The following DNAH5 variants were observed in gnomAD, a reference collection of about 807,000 sequenced individuals.
DNAH5 encodes the protein dynein axonemal heavy chain 5.
DNAH5 carries 372 observed loss-of-function variants against 518.2 expected under a neutral mutation model. The observed-to-expected ratio is 0.72, with a 90% CI of 0.66 to 0.78. DNAH5 has a LOEUF of 0.78. Among genes scored for constraint, DNAH5 ranks in the 30% least tolerant of loss-of-function variants. DNAH5 has a pLI of 0.00. For synonymous variants in DNAH5, 2,039 were observed against 2,025.9 expected, an observed-to-expected ratio of 1.01 and a Z score of -0.17; for missense variants, 5,523 against 5,687.0, an observed-to-expected ratio of 0.97 and a Z score of 0.93.
At chr5:13,919,411 T>C (rs1306887445) in intron 6 of DNAH5, 59 bp from the exon 7 acceptor site, 2 of 1,584,204 alleles carry the variant, frequency 1.3e-6, no homozygotes, top group Non-Finnish European at 1.7e-6. Flanking sequence ...GCTAAAGTTA[T>C]AAACAAGCAA....
At chr5:13,800,298 G>A (rs183031143) in intron 47 of DNAH5, among the ~76,000 whole-genome samples, 2 of 152,244 alleles carry the variant, frequency 1.3e-5, no homozygotes, top group Admixed American at 1.3e-4. Context: ...ATTTGGGGCT[G>A]TTCGAAAAAA....
chr5:13,904,076 T>A (rs1027555931), intron 12 of DNAH5, among the ~76,000 whole-genome samples: 6 of 151,904 alleles, frequency 3.9e-5, no homozygotes, highest in Admixed American at 1.3e-4. Context: ...TTAAACTCTT[T>A]AAAGTCAGGT....
At chr5:13,968,129 G>A (rs888970924) in intron 1 of DNAH5, among the ~76,000 whole-genome samples, 10 of 152,114 alleles carry the variant, frequency 6.6e-5, no homozygotes, top group African/African-American at 2.4e-4. Context: ...TTCTCAGCTT[G>A]GTCACTGTTG....
chr5:13,924,015 C>T (rs962789637), intron 3 of DNAH5, among the ~76,000 whole-genome samples: 1 of 152,054 alleles, frequency 6.6e-6, no homozygotes, highest in Admixed American at 6.5e-5. Flanking sequence ...CACTGCACTT[C>T]AGCCTGGGCA....
chr5:13,840,495 G>C (rs1311043394), intron 34 of DNAH5, among the ~76,000 whole-genome samples: 4 of 152,316 alleles, frequency 2.6e-5, no homozygotes, highest in Admixed American at 2.6e-4. Flanking sequence ...TGTTAAGAAT[G>C]TGATTTTTCA....
At chr5:13,756,895 C>T (rs559450133) in intron 61 of DNAH5, among the ~76,000 whole-genome samples, 40 of 152,242 alleles carry the variant, frequency 2.6e-4, no homozygotes, top group Non-Finnish European at 8.8e-5. Context: ...TGTGTTGTTT[C>T]CGTCTATGTG....
At chr5:13,979,043 C>A (rs958119947) in intron 1 of DNAH5, among the ~76,000 whole-genome samples, 1 of 152,124 alleles carries the variant, frequency 6.6e-6, no homozygotes, top group Non-Finnish European at 1.5e-5. Context: ...GAGAACCCCA[C>A]CCCATTTACA....
chr5:13,717,606 TC>T (rs1197861010), intron 72 of DNAH5, 86 bp from the exon 73 acceptor site: 3 of 1,093,874 alleles, frequency 2.7e-6, no homozygotes, highest in Non-Finnish European at 4.1e-6. Flanking sequence ...TTTTTGTAAA[TC>T]CCTGATATTA....
chr5:13,843,415 C>T (rs547078683), intron 32 of DNAH5, among the ~76,000 whole-genome samples: 4 of 152,292 alleles, frequency 2.6e-5, no homozygotes, highest in Non-Finnish European at 5.9e-5. Flanking sequence ...TCCCCCTTCT[C>T]TCTTTGCTCA....
intron 1 of DNAH5, among the ~76,000 whole-genome samples, chr5:13,992,085 G>T (rs747201553): frequency 6.6e-6 from 1 of 152,362 alleles, no homozygotes; most frequent in African/African-American, 2.4e-5. Flanking sequence ...CACAGGGAAT[G>T]AATCAAGGTT....
At chr5:13,802,610 C>A (rs1176750007) in intron 47 of DNAH5, among the ~76,000 whole-genome samples, 1 of 152,092 alleles carries the variant, frequency 6.6e-6, no homozygotes, top group Non-Finnish European at 1.5e-5. Context: ...GTCTGTTTCC[C>A]CAACAAGACA....
chr5:13,776,405 T>C (rs1561227439), intron 55 of DNAH5, 34 bp downstream of exon 55: 2 of 1,612,654 alleles, frequency 1.2e-6, no homozygotes, highest in South Asian at 2.2e-5. Context: ...CTTGAACACA[T>C]GTTATGCCCT....
chr5:13,802,871 T>G (rs1758988086), intron 47 of DNAH5, among the ~76,000 whole-genome samples: 1 of 152,236 alleles, frequency 6.6e-6, no homozygotes, highest in Admixed American at 6.5e-5. Context: ...TTAATATTTC[T>G]GGGTATAATA....
chr5:13,697,970 T>C (rs924172969), intron 78 of DNAH5, among the ~76,000 whole-genome samples: 1 of 152,170 alleles, frequency 6.6e-6, no homozygotes, highest in African/African-American at 2.4e-5. Flanking sequence ...TATTTGGAGG[T>C]AGAGTCTGAT....
At chr5:13,787,950 T>A (rs1269985019) in intron 51 of DNAH5, among the ~76,000 whole-genome samples, 1 of 152,224 alleles carries the variant, frequency 6.6e-6, no homozygotes, top group Non-Finnish European at 1.5e-5. Context: ...CTTTTAAAAA[T>A]CTGCAAATTA....
intron 60 of DNAH5, among the ~76,000 whole-genome samples, chr5:13,761,827 G>C (rs572228499): frequency 6.6e-6 from 1 of 152,048 alleles, no homozygotes; most frequent in Non-Finnish European, 1.5e-5. Context: ...GGTTGTCCTG[G>C]GACCTCAAGA....
chr5:13,960,964 C>A (rs1299830135), intron 1 of DNAH5, among the ~76,000 whole-genome samples: 1 of 152,148 alleles, frequency 6.6e-6, no homozygotes, highest in Non-Finnish European at 1.5e-5. Flanking sequence ...ATCATTCCCC[C>A]TACCTTCTTC....
intron 14 of DNAH5, 89 bp from the exon 15 acceptor site, chr5:13,900,501 A>C (rs1774461572): frequency 9.0e-7 from 1 of 1,105,424 alleles, no homozygotes; most frequent in Admixed American, 1.9e-5. Context: ...AAGGATCATT[A>C]AATGTTCTTC....
At chr5:14,009,656 A>T (rs1784982683) in intron 1 of DNAH5, among the ~76,000 whole-genome samples, 1 of 152,198 alleles carries the variant, frequency 6.6e-6, no homozygotes, top group Non-Finnish European at 1.5e-5. Context: ...ACAGAGGAGG[A>T]CTGGGCCATA....
Sources: gnomAD v4.1 joint callset for allele counts (sites outside exome capture counted in the v4.1 genomes callset) on GRCh38, gnomAD v4.1.1 for gene constraint, MANE v1.5 for transcripts, NCBI Gene and HGNC (gene_info 2026-07-23, HGNC 2026-07-21) for gene names.